The following FGGY variants were observed in gnomAD, a reference collection of about 807,000 sequenced individuals.
FGGY encodes FGGY carbohydrate kinase domain-containing protein.
In FGGY, 72 loss-of-function variants were observed where a neutral mutation model predicts 71.3. The ratio of observed to expected loss-of-function variants is 1.01; its 90% CI spans 0.84 to 1.23. The LOEUF is 1.23. Among genes scored for constraint, FGGY ranks in the 50% most tolerant of loss-of-function variants. The pLI is 0.00. For synonymous variants in FGGY, 251 were observed against 250.3 expected, an observed-to-expected ratio of 1.00 and a Z score of -0.02; for missense variants, 668 against 682.3, an observed-to-expected ratio of 0.98 and a Z score of 0.23.
chr1:59,566,671 T>G (rs2095877184), intron 8 of FGGY, among the ~76,000 whole-genome samples: 1 of 152,202 alleles, frequency 6.6e-6, no homozygotes, highest in Admixed American at 6.5e-5. Context: ...GCTGTGTTCT[T>G]ATGGGTTTGG....
At chr1:59,401,993 T>C (rs919133626) in intron 5 of FGGY, among the ~76,000 whole-genome samples, 1 of 152,224 alleles carries the variant, frequency 6.6e-6, no homozygotes, top group Admixed American at 6.5e-5. Flanking sequence ...GGGCATACTA[T>C]TCAGTGTTTC....
intron 11 of FGGY, among the ~76,000 whole-genome samples, chr1:59,645,924 C>T (rs2097090141): frequency 6.6e-6 from 1 of 152,224 alleles, no homozygotes; most frequent in Non-Finnish European, 1.5e-5. Context: ...GTATGCTACT[C>T]AAACTGCTGG....
Position 59,534,930 on chromosome 1 carries a change from G to A in FGGY, c.800-19194G>A, listed in dbSNP as rs1003317002. 1.2e-4 allele frequency among the ~76,000 whole-genome samples: 18 copies of A among 151,324 alleles called. No homozygotes were observed. In the South Asian group the frequency reaches 3.4e-3, roughly 29 times the overall value. ...AGGAAGAAACTGCATCAACTAACGAGCAAAATCACCAGCTAACATCATAAT... is the reference window on the plus strand; with the variant it reads ...AGGAAGAAACTGCATCAACTAACGAACAAAATCACCAGCTAACATCATAAT... On this transcript the variant is annotated intron_variant, in intron 7 of 15. Transcript: ENST00000303721.
chr1:59,451,609 AGT>A (rs1257410171), intron 5 of FGGY, among the ~76,000 whole-genome samples: 1 of 152,070 alleles, frequency 6.6e-6, no homozygotes, highest in Admixed American at 6.5e-5. Context: ...TGGTTCCTCT[AGT>A]CTTTGATTTC....
At chr1:59,744,573 G>T (rs980730491) in intron 14 of FGGY, among the ~76,000 whole-genome samples, 2 of 152,244 alleles carry the variant, frequency 1.3e-5, no homozygotes, top group African/African-American at 4.8e-5. Flanking sequence ...AATCTAGCCA[G>T]TCTAGAGCCT....
At chr1:59,418,312 C>T (rs998348594) in intron 5 of FGGY, among the ~76,000 whole-genome samples, 1 of 151,976 alleles carries the variant, frequency 6.6e-6, no homozygotes, top group Non-Finnish European at 1.5e-5. Context: ...TGAACTGTAA[C>T]CAAAAAGTGT....
intron 6 of FGGY, among the ~76,000 whole-genome samples, chr1:59,458,713 A>G (rs2091934913): frequency 6.6e-6 from 1 of 152,210 alleles, no homozygotes; most frequent in African/African-American, 2.4e-5. Context: ...CTAAGGAGAC[A>G]TATCATTAAG....
chr1:59,662,720 G>C (rs933917824), intron 12 of FGGY, among the ~76,000 whole-genome samples: 1 of 152,118 alleles, frequency 6.6e-6, no homozygotes. Context: ...ATACCATGCC[G>C]TATAAGTTTG....
At chr1:59,614,387 A>G (rs907087510) in intron 9 of FGGY, among the ~76,000 whole-genome samples, 1 of 152,266 alleles carries the variant, frequency 6.6e-6, no homozygotes, top group African/African-American at 2.4e-5. Context: ...AACAGAACCA[A>G]CGACAAAAAC....
intron 14 of FGGY, among the ~76,000 whole-genome samples, chr1:59,685,623 A>G (rs1479311630): frequency 2.0e-5 from 3 of 152,200 alleles, no homozygotes; most frequent in Admixed American, 2.0e-4. Context: ...TATTAGTATT[A>G]ATATTTGTAT....
At chr1:59,659,195 CTG>C (rs2097251687) in intron 11 of FGGY, among the ~76,000 whole-genome samples, 1 of 152,072 alleles carries the variant, frequency 6.6e-6, no homozygotes, top group African/African-American at 2.4e-5. Context: ...AAGCAAGACT[CTG>C]TCTCAAAAAA....
intron 12 of FGGY, among the ~76,000 whole-genome samples, chr1:59,663,749 T>C (rs566029891): frequency 1.3e-5 from 2 of 152,200 alleles, no homozygotes; most frequent in Non-Finnish European, 2.9e-5. Context: ...CAAATGTATC[T>C]GGATGTGCTG....
intron 11 of FGGY, among the ~76,000 whole-genome samples, chr1:59,648,641 G>C (rs1339379089): frequency 6.7e-6 from 1 of 150,062 alleles, no homozygotes; most frequent in Non-Finnish European, 1.5e-5. Context: ...TGTAGATTCT[G>C]GATATTAGCC....
chr1:59,347,034 A>G (rs1054579571), intron 4 of FGGY, among the ~76,000 whole-genome samples: 1 of 151,044 alleles, frequency 6.6e-6, no homozygotes, highest in Admixed American at 6.6e-5. Context: ...GCAAAGAAGC[A>G]ATCTCAGAAA....
intron 8 of FGGY, among the ~76,000 whole-genome samples, chr1:59,587,305 G>C (rs943057547): frequency 4.6e-5 from 7 of 152,060 alleles, no homozygotes; most frequent in Non-Finnish European, 8.8e-5. Context: ...CTCGAACTGG[G>C]TGGAGCCCAC....
chr1:59,497,300 G>C (rs558049350), intron 6 of FGGY, among the ~76,000 whole-genome samples: 2 of 152,200 alleles, frequency 1.3e-5, no homozygotes, highest in Non-Finnish European at 2.9e-5. Context: ...TAAAAAAACA[G>C]CCAGAGGCTG....
intron 12 of FGGY, among the ~76,000 whole-genome samples, chr1:59,667,001 G>A (rs1454170952): frequency 6.6e-6 from 1 of 152,172 alleles, no homozygotes; most frequent in Non-Finnish European, 1.5e-5. Flanking sequence ...TAACTGTGTT[G>A]ACATTGTCAA....
At chr1:59,670,962 A>AT (rs1037216232) in intron 13 of FGGY, among the ~76,000 whole-genome samples, 13 of 152,118 alleles carry the variant, frequency 8.5e-5, no homozygotes, top group African/African-American at 3.1e-4. Flanking sequence ...TCTAAGTTTT[A>AT]TTTTTTAGTA....
chr1:59,407,527 T>C (rs2062942841), intron 5 of FGGY, among the ~76,000 whole-genome samples: 1 of 152,130 alleles, frequency 6.6e-6, no homozygotes, highest in Non-Finnish European at 1.5e-5. Context: ...ATGATTCCCT[T>C]GAACCTGACT....
Sources: allele counts gnomAD v4.1 joint callset (sites outside exome capture counted in the v4.1 genomes callset), GRCh38; gene constraint gnomAD v4.1.1; transcripts MANE v1.5; gene names NCBI Gene and HGNC (gene_info 2026-07-23, HGNC 2026-07-21).